Variants in SHISAL2B observed in about 807,000 individuals in gnomAD.
SHISAL2B encodes shisa like 2B.
SHISAL2B carries 12 observed loss-of-function variants against 16.5 expected under a neutral mutation model. The ratio of observed to expected loss-of-function variants is 0.73; its 90% CI spans 0.47 to 1.18. The LOEUF is 1.18. SHISAL2B is among the 50% of genes most tolerant of loss of function. The probability of loss-of-function intolerance (pLI) is 0.00; values close to 1 mark genes in which losing one functional copy is unlikely to be tolerated. For synonymous variants in SHISAL2B, 72 were observed against 75.0 expected (o/e 0.96, Z 0.21); for missense variants, 183 against 193.6 (o/e 0.95, Z 0.33).
chr5:64,692,825 G>A (rs1175082809), intron 1 of SHISAL2B, among the ~76,000 whole-genome samples: 2 of 152,090 alleles, frequency 1.3e-5, no homozygotes, highest in Admixed American at 1.3e-4. Context: ...GACTCCCTAT[G>A]TTCTTAGGAT....
At chr5:64,708,047 TA>T (rs1212553674) in intron 2 of SHISAL2B, among the ~76,000 whole-genome samples, 1 of 152,186 alleles carries the variant, frequency 6.6e-6, no homozygotes, top group Non-Finnish European at 1.5e-5. Context: ...AACCACATTT[TA>T]CTAGCAATTT....
intron 2 of SHISAL2B, among the ~76,000 whole-genome samples, chr5:64,708,248 C>T (rs1420268416): frequency 6.6e-6 from 1 of 152,044 alleles, no homozygotes; most frequent in African/African-American, 2.4e-5. Flanking sequence ...GATTTCTATA[C>T]CAATAAGCCA....
At chr5:64,706,693 G>A (rs1741880681) in intron 2 of SHISAL2B, among the ~76,000 whole-genome samples, 1 of 152,108 alleles carries the variant, frequency 6.6e-6, no homozygotes, top group Admixed American at 6.6e-5. Context: ...ATAGGGGGAG[G>A]AAGAGAGAAA....
At chr5:64,716,320 TTCTG>T (rs200542168) in intron 2 of SHISAL2B, among the ~76,000 whole-genome samples, 4,083 of 152,310 alleles carry the variant, frequency 0.027, 77 homozygotes, top group Middle Eastern at 0.085. Context: ...TTTTAAAGTT[TTCTG>T]TCTTATCCTT....
In SHISAL2B at chr5:64,690,657, T is replaced by C. The variant is rs1580515628; in HGVS notation, c.34T>C (p.Tyr12His). 6 of 1,529,078 alleles carry C rather than the reference T, an allele frequency of 3.9e-6. No homozygotes were observed. Among genetic ancestry groups the C allele is most frequent in the Non-Finnish European group, 4.4e-6 (5 of 1,142,756 alleles). 94.7% of individuals were successfully genotyped at this position (1,529,078 alleles called of 1,614,324 possible). ...GGCCAGCCGACTGTGCTCCGGCTAC[T>C]ACAGCCTCAACCAGAGCTTCGTGGA... Reference protein sequence around the residue: ...SEASRLCSGYYSLNQSFVEPF... With the variant: ...SEASRLCSGYHSLNQSFVEPF... Residue 12 changes from tyrosine to histidine, a missense_variant, in exon 1 of 3, where the codon TAC becomes CAC. Tyr to His is a moderately conservative substitution (Grantham distance 83). Coordinates refer to ENST00000389074, the MANE Select transcript of SHISAL2B (RefSeq NM_001164442.2).
At chr5:64,703,612 A>G (rs1486523973) in intron 2 of SHISAL2B, among the ~76,000 whole-genome samples, 1 of 152,030 alleles carries the variant, frequency 6.6e-6, no homozygotes, top group Non-Finnish European at 1.5e-5. Flanking sequence ...AAAATTATTT[A>G]TTTCAAGGAT....
At chr5:64,707,905 T>C (rs1741896087) in intron 2 of SHISAL2B, among the ~76,000 whole-genome samples, 1 of 152,190 alleles carries the variant, frequency 6.6e-6, no homozygotes, top group South Asian at 2.1e-4. Flanking sequence ...TTTTCCTGTA[T>C]TCTAATGTCA....
At position 64,695,440 on chromosome 5, in the gene SHISAL2B, C is replaced by T. The variant is rs906097956; in HGVS notation, c.192-67C>T. The T allele has an allele frequency of 4.7e-6, 5 of 1,053,776 alleles. No homozygotes were observed. The African/African-American group carries it at 6.4e-5, about 14-fold the overall frequency. The allele number at this position is 1,053,776 out of a possible 1,614,324, so 65.3% of individuals were successfully genotyped here. The stretch of plus-strand genomic sequence containing the variant: ...AACAAGAATTAACAATATATTTATG[C>T]CTTCTCTTTAGTTGAACCAGTGTGA... On this transcript the variant is annotated intron_variant, in intron 1 of 2. Coordinates refer to ENST00000389074, the MANE Select transcript of SHISAL2B (RefSeq NM_001164442.2).
intron 2 of SHISAL2B, among the ~76,000 whole-genome samples, chr5:64,715,904 T>C (rs1011647614): frequency 6.6e-5 from 10 of 152,208 alleles, no homozygotes; most frequent in Non-Finnish European, 1.2e-4. Context: ...AAATAACCAG[T>C]GAAGAAGATG....
intron 2 of SHISAL2B, among the ~76,000 whole-genome samples, chr5:64,716,350 C>T (rs1385114879): frequency 3.3e-5 from 5 of 152,114 alleles, no homozygotes; most frequent in African/African-American, 1.2e-4. Context: ...ATACACTCAA[C>T]TAATATTTAT....
intron 2 of SHISAL2B, among the ~76,000 whole-genome samples, chr5:64,705,122 A>G (rs1422165408): frequency 1.3e-5 from 2 of 152,330 alleles, no homozygotes; most frequent in Non-Finnish European, 2.9e-5. Context: ...CAAGTAAATA[A>G]TGAGTTGAGG....
intron 2 of SHISAL2B, among the ~76,000 whole-genome samples, chr5:64,704,756 T>G (rs1041046434): frequency 1.3e-5 from 2 of 151,394 alleles, no homozygotes; most frequent in Non-Finnish European, 2.9e-5. Flanking sequence ...GAAACTAGTT[T>G]CTATTTATTA....
chr5:64,712,798 C>T (rs1337683624), intron 2 of SHISAL2B, among the ~76,000 whole-genome samples: 1 of 151,674 alleles, frequency 6.6e-6, no homozygotes, highest in Non-Finnish European at 1.5e-5. Context: ...ATGTAATGGC[C>T]TTCTTTGTCT....
chr5:64,703,162 G>C lies in SHISAL2B; in HGVS notation c.349+7498G>C, dbSNP rs559342857. Among the ~76,000 whole-genome samples the C allele has an allele frequency of 1.3e-4, 20 of 152,176 alleles. No homozygotes were observed. The East Asian group carries it at 3.7e-3, about 28-fold the overall frequency. ...TTTGTACTAAATTTATAAAGAAGTT[G>C]GGAACTACTTTTCTAAATAGCCTTA... On this transcript the variant is annotated intron_variant, in intron 2 of 2. Transcript: ENST00000389074.
Position 64,695,653 on chromosome 5 carries a change from C to G in SHISAL2B, c.338C>G (p.Ser113Cys). The change falls in exon 2 of 3, where the codon TCC becomes TGC. Residue 113 changes from serine to cysteine, a missense_variant. Physicochemically the swap from Ser to Cys is moderately radical, Grantham distance 112 (BLOSUM62 -1). Coordinates refer to ENST00000389074, the MANE Select transcript of SHISAL2B (RefSeq NM_001164442.2). ...GLKLQHLEAS[S>C]TQEGKSNGKT... The stretch of plus-strand genomic sequence containing the variant: ...AAGCTTCAACACTTAGAGGCTTCTT[C>G]CACTCAAGAAGGTAATCAGTATCTA... The G allele has an allele frequency of 6.5e-7, 1 of 1,528,544 alleles. No individual in the cohort carries two copies. Among genetic ancestry groups the G allele is most frequent in the Non-Finnish European group, 8.7e-7 (1 of 1,143,372 alleles). The allele number at this position is 1,528,544 out of a possible 1,614,324, so 94.7% of individuals were successfully genotyped here.
At chr5:64,696,740 T>C (rs1036188183) in intron 2 of SHISAL2B, among the ~76,000 whole-genome samples, 5 of 152,164 alleles carry the variant, frequency 3.3e-5, no homozygotes, top group Non-Finnish European at 7.3e-5. Flanking sequence ...GGTTCTCTGC[T>C]CTCGAACCCT....
intron 1 of SHISAL2B, chr5:64,693,948 G>A (rs1741691438): frequency 5.7e-6 from 2 of 349,852 alleles, no homozygotes; most frequent in African/African-American, 4.4e-5. Context: ...CTTCTTTGCA[G>A]GGGTGCTCTA....
Position 64,718,151 on chromosome 5 carries a change from T to C in SHISAL2B, c.*129T>C, listed in dbSNP as rs1580530911. The C allele has an allele frequency of 5.8e-6, 4 of 685,794 alleles. No homozygotes were observed. The highest frequency in any genetic ancestry group is 4.0e-5 in the Admixed American group (1 of 25,140). The allele number at this position is 685,794 out of a possible 1,614,324, so 42.5% of individuals were successfully genotyped here. ...CACAAAGCAAGACACAGCTGCATTT[T>C]TGATCATTCAGTTACTTTATTAAAC... On this transcript the variant is annotated 3_prime_UTR_variant, in exon 3 of 3. Transcript: ENST00000389074.
At chr5:64,715,827 A>G (rs1742041325) in intron 2 of SHISAL2B, among the ~76,000 whole-genome samples, 1 of 152,322 alleles carries the variant, frequency 6.6e-6, no homozygotes, top group South Asian at 2.1e-4. Context: ...GCTGCATGAT[A>G]TCTCAGGCAT....
Sources: gnomAD v4.1 joint callset for allele counts (sites outside exome capture counted in the v4.1 genomes callset) on GRCh38, gnomAD v4.1.1 for gene constraint, MANE v1.5 for transcripts, NCBI Gene and HGNC (gene_info 2026-07-23, HGNC 2026-07-21) for gene names.